The following STAG1 variants were observed in gnomAD, a reference collection of about 807,000 sequenced individuals.
STAG1 encodes cohesin subunit SA-1.
In STAG1, 26 loss-of-function variants were observed where a neutral mutation model predicts 170.9. The observed-to-expected ratio is 0.15, with a 90% CI of 0.11 to 0.21. STAG1 has a LOEUF of 0.21. Ranked by LOEUF, STAG1 falls within the 10% of genes least tolerant of loss-of-function variation. STAG1 has a pLI of 1.00. For synonymous variants in STAG1, 514 were observed against 497.7 expected (o/e 1.03, Z -0.44); for missense variants, 964 against 1,509.5 (o/e 0.64, Z 5.99).
At position 136,702,841 on chromosome 3, in the gene STAG1, G is replaced by A. The variant is rs144566830; in HGVS notation, c.-84+49354C>T. Among the ~76,000 whole-genome samples the A allele has an allele frequency of 4.0e-3, 601 of 152,034 alleles. 2 individuals carry two copies. The highest frequency in any genetic ancestry group is 0.031 in the Middle Eastern group (9 of 290). ...TCCCAGCACTATGAGAGGCCGAGGCGGGCAGATCACGAGGTCAGGAGATCA... is the reference window on the plus strand; with the variant it reads ...TCCCAGCACTATGAGAGGCCGAGGCAGGCAGATCACGAGGTCAGGAGATCA... On this transcript the variant is annotated intron_variant, in intron 1 of 33. Coordinates refer to ENST00000383202, the MANE Select transcript of STAG1 (RefSeq NM_005862.3).
chr3:136,575,637 T>C (rs1422838743), intron 4 of STAG1, among the ~76,000 whole-genome samples: 2 of 152,200 alleles, frequency 1.3e-5, no homozygotes, highest in Non-Finnish European at 2.9e-5. Flanking sequence ...AGGCTATAGC[T>C]TTAGAACATC....
intron 4 of STAG1, among the ~76,000 whole-genome samples, chr3:136,587,193 T>C (rs1038712390): frequency 1.3e-5 from 2 of 152,100 alleles, no homozygotes; most frequent in Non-Finnish European, 2.9e-5. Context: ...ACTTCACTCT[T>C]AAGCAAATAT....
intron 10 of STAG1, among the ~76,000 whole-genome samples, chr3:136,477,070 C>G (rs1010167877): frequency 2.2e-4 from 34 of 152,102 alleles, no homozygotes; most frequent in Non-Finnish European, 2.2e-4. Context: ...AAACTTGGTT[C>G]AAGACAATAT....
At chr3:136,362,615 A>G (rs1197822159) in intron 26 of STAG1, among the ~76,000 whole-genome samples, 3 of 150,332 alleles carry the variant, frequency 2.0e-5, no homozygotes, top group Non-Finnish European at 4.4e-5. Flanking sequence ...CAAAAAAAAA[A>G]AAAAAAAGAA....
At chr3:136,699,252 C>CA (rs1224534820) in intron 1 of STAG1, among the ~76,000 whole-genome samples, 1 of 152,140 alleles carries the variant, frequency 6.6e-6, no homozygotes, top group Non-Finnish European at 1.5e-5. Flanking sequence ...TTTAATGTCT[C>CA]AATAGCCTAC....
intron 4 of STAG1, among the ~76,000 whole-genome samples, chr3:136,595,181 G>A (rs1938368640): frequency 6.6e-6 from 1 of 152,014 alleles, no homozygotes; most frequent in Admixed American, 6.5e-5. Flanking sequence ...ATATCACTTA[G>A]ACTACACAGC....
intron 15 of STAG1, 63 bp from the exon 16 acceptor site, chr3:136,433,722 T>C: frequency 1.8e-6 from 2 of 1,113,434 alleles, no homozygotes; most frequent in Non-Finnish European, 2.7e-6. Flanking sequence ...GTATTAAAAA[T>C]GAACACATTA....
Position 136,398,849 on chromosome 3 carries a change from ATTT to A in STAG1, c.2197-23_2197-21del, listed in dbSNP as rs752563049. On this transcript the variant is annotated intron_variant, in intron 21 of 33. Transcript: ENST00000383202. ...GACTATCTGTATCAAATGAAAAAAA[ATTT>A]TTTTAATGAAAAATTCAAAAAAATG... 1 of 1,508,272 alleles carries A rather than the reference ATTT, an allele frequency of 6.6e-7. No individual in the cohort carries two copies. The allele number at this position is 1,508,272 out of a possible 1,614,324, so 93.4% of individuals were successfully genotyped here.
At chr3:136,452,004 A>G (rs1435022382) in intron 14 of STAG1, 29 bp downstream of exon 14, 2 of 1,377,434 alleles carry the variant, frequency 1.5e-6, no homozygotes, top group East Asian at 2.3e-5. Flanking sequence ...AATAAAAGAA[A>G]TAAGGAATTA....
chr3:136,600,610 CA>C (rs1938618263), intron 4 of STAG1, among the ~76,000 whole-genome samples: 1 of 152,230 alleles, frequency 6.6e-6, no homozygotes, highest in Admixed American at 6.5e-5. Context: ...TGGCTCAATG[CA>C]ACCTCTACCT....
At chr3:136,609,081 T>C (rs908621270) in intron 3 of STAG1, 2 of 151,674 alleles carry the variant, frequency 1.3e-5, no homozygotes, top group African/African-American at 4.9e-5. Context: ...TAAACAGAGG[T>C]GGAAGTCAAA....
At chr3:136,401,970 C>T (rs1304568404) in intron 21 of STAG1, among the ~76,000 whole-genome samples, 1 of 151,936 alleles carries the variant, frequency 6.6e-6, no homozygotes, top group Non-Finnish European at 1.5e-5. Flanking sequence ...TCTCTAACTC[C>T]TGACCTCAGG....
At chr3:136,614,133 T>C (rs1256788352) in intron 3 of STAG1, among the ~76,000 whole-genome samples, 2 of 152,128 alleles carry the variant, frequency 1.3e-5, no homozygotes, top group African/African-American at 2.4e-5. Context: ...GGAGAATTGC[T>C]TGAACCCGGG....
intron 9 of STAG1, among the ~76,000 whole-genome samples, chr3:136,486,504 C>G (rs973083500): frequency 3.9e-5 from 6 of 152,318 alleles, no homozygotes; most frequent in African/African-American, 9.6e-5. Flanking sequence ...TTAGCTCTTT[C>G]AGTCCTACCA....
At chr3:136,401,165 T>C (rs1015273152) in intron 21 of STAG1, among the ~76,000 whole-genome samples, 11 of 152,246 alleles carry the variant, frequency 7.2e-5, no homozygotes, top group Non-Finnish European at 1.5e-5. Context: ...TTTGACTTCA[T>C]GGACCTCTCC....
intron 1 of STAG1, among the ~76,000 whole-genome samples, chr3:136,704,821 C>CAAAAAAA (rs67207510): frequency 3.7e-4 from 19 of 51,400 alleles, no homozygotes; most frequent in East Asian, 2.5e-3. Flanking sequence ...GTCCCTGTCT[C>CAAAAAAA]AAAAAAAAAA....
At chr3:136,508,311 T>A (rs184306894) in intron 7 of STAG1, among the ~76,000 whole-genome samples, 95 of 152,300 alleles carry the variant, frequency 6.2e-4, no homozygotes, top group African/African-American at 2.2e-3. Context: ...CTCAATAATG[T>A]GAGTGGGTCT....
intron 21 of STAG1, among the ~76,000 whole-genome samples, chr3:136,406,066 A>C (rs1008771490): frequency 4.6e-5 from 7 of 152,192 alleles, no homozygotes; most frequent in African/African-American, 1.7e-4. Flanking sequence ...AGTACTTATG[A>C]ATTCAGACAA....
intron 1 of STAG1, among the ~76,000 whole-genome samples, chr3:136,642,852 G>T (rs1940854987): frequency 6.6e-6 from 1 of 152,178 alleles, no homozygotes; most frequent in Non-Finnish European, 1.5e-5. Flanking sequence ...CCCTGGACTT[G>T]TTCCAGCTTC....
Sources: allele counts gnomAD v4.1 joint callset (sites outside exome capture counted in the v4.1 genomes callset), GRCh38; gene constraint gnomAD v4.1.1; transcripts MANE v1.5; gene names NCBI Gene and HGNC (gene_info 2026-07-23, HGNC 2026-07-21).